SSH2: variants seen among roughly 807,000 people sequenced by gnomAD.
SSH2 encodes protein phosphatase Slingshot homolog 2.
In SSH2, 37 loss-of-function variants were observed where a neutral mutation model predicts 135.2. The observed-to-expected ratio is 0.27, with a 90% CI of 0.21 to 0.36. The LOEUF is 0.36. SSH2 is among the 10% of genes least tolerant of loss of function. SSH2 has a pLI of 1.00. For synonymous variants in SSH2, 628 were observed against 646.2 expected (o/e 0.97, Z 0.43); for missense variants, 1,408 against 1,765.3 (o/e 0.80, Z 3.63).
rs1280553027 is a variant in SSH2 at position 29,636,485 on chromosome 17, G to A, written c.1745C>T (p.Ser582Leu). 1.2e-6 allele frequency: 2 copies of A among 1,614,198 alleles called. No individual in the cohort carries two copies. The highest frequency in any genetic ancestry group is 1.1e-5 in the South Asian group (1 of 91,080). ...ELNLNDINGC[S>L]SGCCLNESKF... ...TGATTCATTCAGACAACACCCTGAT[G>A]AGCATCCATTGATGTCATTTAAGTT... Residue 582 changes from serine (S) to leucine (L), a missense_variant, in exon 15 of 16, where the codon TCA becomes TTA. By Grantham distance (145) the Ser-to-Leu change is moderately radical (BLOSUM62 -2). Transcript: ENST00000540801.
chr17:29,828,997 G>A (rs557229129), intron 2 of SSH2, among the ~76,000 whole-genome samples: 1 of 152,242 alleles, frequency 6.6e-6, no homozygotes, highest in East Asian at 1.9e-4. Flanking sequence ...CCATATACAT[G>A]TTTCTGTACC....
At chr17:29,888,203 A>G (rs1409147594) in intron 1 of SSH2, among the ~76,000 whole-genome samples, 1 of 152,180 alleles carries the variant, frequency 6.6e-6, no homozygotes, top group Non-Finnish European at 1.5e-5. Flanking sequence ...ATGCCACTGC[A>G]TTCCAGCCTG....
intron 1 of SSH2, among the ~76,000 whole-genome samples, chr17:29,921,530 T>C (rs2066976035): frequency 6.6e-6 from 1 of 152,168 alleles, no homozygotes; most frequent in African/African-American, 2.4e-5. Flanking sequence ...AAATAGAAGA[T>C]TGCTAAATAT....
At chr17:29,666,418 C>T (rs937343237) in intron 11 of SSH2, among the ~76,000 whole-genome samples, 3 of 151,956 alleles carry the variant, frequency 2.0e-5, no homozygotes, top group Non-Finnish European at 2.9e-5. Flanking sequence ...CATGGTGGCT[C>T]ATGCTTATAA....
At chr17:29,793,120 C>G (rs2042099623) in intron 3 of SSH2, among the ~76,000 whole-genome samples, 1 of 151,940 alleles carries the variant, frequency 6.6e-6, no homozygotes, top group African/African-American at 2.4e-5. Flanking sequence ...TAGAACTTAC[C>G]AGGCCTGTTT....
intron 2 of SSH2, among the ~76,000 whole-genome samples, chr17:29,828,705 T>G (rs2042786991): frequency 1.3e-5 from 2 of 152,214 alleles, no homozygotes; most frequent in Non-Finnish European, 1.5e-5. Context: ...AAGCAGTTTT[T>G]GGGGAGACAT....
intron 14 of SSH2, among the ~76,000 whole-genome samples, chr17:29,642,004 C>G (rs2036184452): frequency 6.7e-6 from 1 of 149,056 alleles, no homozygotes; most frequent in Non-Finnish European, 1.5e-5. Context: ...CCTATAGTTA[C>G]TTTTTGGGGT....
chr17:29,925,713 A>T lies in SSH2; in HGVS notation c.63+4225T>A, dbSNP rs555816804. On this transcript the variant is annotated intron_variant, in intron 1 of 15. Coordinates refer to ENST00000540801, the MANE Select transcript of SSH2 (RefSeq NM_001282129.2). ...TACAGTGAGACCCCATCTAAAAAAA[A>T]AAAAATAAAGGAAAGAAAGAAAATT... Among the ~76,000 whole-genome samples the T allele has an allele frequency of 3.3e-5, 5 of 152,206 alleles. 1 individual carries two copies. In the South Asian group the frequency reaches 6.2e-4, roughly 19 times the overall value.
intron 5 of SSH2, among the ~76,000 whole-genome samples, 200 bp from the exon 6 acceptor site, chr17:29,684,884 A>G (rs1207420395): frequency 6.6e-6 from 1 of 152,218 alleles, no homozygotes; most frequent in Non-Finnish European, 1.5e-5. Flanking sequence ...AGGGAGATAT[A>G]ATAATACCTA....
intron 1 of SSH2, among the ~76,000 whole-genome samples, chr17:29,873,153 AT>A (rs1325498379): frequency 6.6e-6 from 1 of 152,190 alleles, no homozygotes; most frequent in Non-Finnish European, 1.5e-5. Context: ...AAAACAAAAT[AT>A]CCACAGTTAC....
chr17:29,684,682 A>G lies in SSH2; in HGVS notation c.360T>C (p.Ala120=), dbSNP rs781514994. ...TCTGGTAAGTACTTTCCAGTCTTAC[A>G]GCCTGGAATTTAGCAGACAACAGAG... The part of the protein sequence containing the change: ...LLRPEDNIRL[A]VRLESTYQNR... The change falls in exon 6 of 16, where the codon GCT becomes GCC. Residue 120 remains alanine (A), a splice_region_variant and synonymous_variant. Coordinates refer to ENST00000540801, the MANE Select transcript of SSH2 (RefSeq NM_001282129.2). The G allele has an allele frequency of 2.5e-6, 4 of 1,607,288 alleles. No individual in the cohort carries two copies. Among genetic ancestry groups the G allele is most frequent in the South Asian group, 2.2e-5 (2 of 89,158 alleles).
At chr17:29,654,707 C>T (rs544035998) in intron 12 of SSH2, among the ~76,000 whole-genome samples, 1 of 152,364 alleles carries the variant, frequency 6.6e-6, no homozygotes, top group Admixed American at 6.5e-5. Flanking sequence ...TGAATGTTCA[C>T]TGTAGTCTCT....
chr17:29,690,320 G>T, intron 5 of SSH2, among the ~76,000 whole-genome samples: 1 of 151,196 alleles, frequency 6.6e-6, no homozygotes. Flanking sequence ...CAGGAGAATC[G>T]CTTGAACCTG....
chr17:29,676,825 T>G lies in SSH2; in HGVS notation c.609A>C (p.Ala203=). The change falls in exon 8 of 16, where the codon GCA becomes GCC. Residue 203 remains alanine, a synonymous_variant. Coordinates refer to ENST00000540801, the MANE Select transcript of SSH2 (RefSeq NM_001282129.2). ...GATAGTAAAAGTCATCTTACCACAT[T>G]GCCTGCACAGATACAGGTTTGAATA... The part of the protein sequence containing the change: ...VHIFKPVSVQ[A]MWSALQSLHK... The G allele has an allele frequency of 6.2e-7, 1 of 1,612,920 alleles. No individual in the cohort carries two copies. The highest frequency in any genetic ancestry group is 8.5e-7 in the Non-Finnish European group (1 of 1,178,990).
chr17:29,753,948 G>A (rs973965721), intron 3 of SSH2, among the ~76,000 whole-genome samples: 1 of 152,174 alleles, frequency 6.6e-6, no homozygotes, highest in Admixed American at 6.5e-5. Flanking sequence ...ACAAAGATGT[G>A]TGTATCAGGA....
intron 3 of SSH2, among the ~76,000 whole-genome samples, chr17:29,729,332 C>T (rs555416175): frequency 3.5e-4 from 54 of 152,294 alleles, no homozygotes; most frequent in Non-Finnish European, 7.1e-4. Context: ...ACCAAAACTA[C>T]AATGAGATAT....
intron 1 of SSH2, among the ~76,000 whole-genome samples, chr17:29,869,800 C>T (rs1456281541): frequency 6.6e-6 from 1 of 152,160 alleles, no homozygotes; most frequent in Non-Finnish European, 1.5e-5. Flanking sequence ...AGGTCGCCTG[C>T]AGAAATCAGT....
At chr17:29,802,658 G>GT (rs1195906767) in intron 2 of SSH2, among the ~76,000 whole-genome samples, 1 of 149,076 alleles carries the variant, frequency 6.7e-6, no homozygotes, top group Non-Finnish European at 1.5e-5. Flanking sequence ...AAAAAAGTAA[G>GT]TAAGAGTATT....
chr17:29,678,185 C>CCAGG (rs1267372361), intron 6 of SSH2, among the ~76,000 whole-genome samples: 2 of 151,900 alleles, frequency 1.3e-5, no homozygotes, highest in Admixed American at 6.6e-5. Flanking sequence ...CCTCTGCCTC[C>CCAGG]CAGGTTCAAG....
Sources: allele counts gnomAD v4.1 joint callset (sites outside exome capture counted in the v4.1 genomes callset), GRCh38; gene constraint gnomAD v4.1.1; transcripts MANE v1.5; gene names NCBI Gene and HGNC (gene_info 2026-07-23, HGNC 2026-07-21).